Variants in DAB2IP observed in about 807,000 individuals in gnomAD.
The protein encoded by DAB2IP is disabled homolog 2-interacting protein.
DAB2IP carries 28 observed loss-of-function variants against 107.2 expected under a neutral mutation model. The ratio of observed to expected loss-of-function variants is 0.26; its 90% confidence interval spans 0.19 to 0.36. DAB2IP has a LOEUF of 0.36. Among genes scored for constraint, DAB2IP ranks in the 10% least tolerant of loss-of-function variants. DAB2IP has a pLI of 1.00. For missense variants in DAB2IP, 1,400 were observed against 1,644.7 expected (o/e 0.85, Z 2.57); for synonymous variants, 755 against 706.4 (o/e 1.07, Z -1.09).
intron 3 of DAB2IP, chr9:121,752,009 C>T: frequency 1.0e-6 from 1 of 985,472 alleles, no homozygotes; most frequent in Non-Finnish European, 1.2e-6. Context: ...CCCTGGAGCG[C>T]TGTCATGGGG....
At chr9:121,752,603 G>C (rs767321135) in intron 3 of DAB2IP, among the ~76,000 whole-genome samples, 7 of 152,354 alleles carry the variant, frequency 4.6e-5, no homozygotes, top group Admixed American at 3.3e-4. Flanking sequence ...GCATGTGCCT[G>C]GGGCCCTGCC....
intron 6 of DAB2IP, among the ~76,000 whole-genome samples, chr9:121,761,740 G>A (rs765387318): frequency 1.3e-5 from 2 of 152,202 alleles, no homozygotes; most frequent in Non-Finnish European, 2.9e-5. Context: ...TAGGCTGCAC[G>A]TTGGGCCAGC....
Position 121,776,224 on chromosome 9 carries a change from G to C in DAB2IP, c.3147G>C (p.Leu1049=). The change falls in exon 14 of 16, where the codon CTG becomes CTC. Residue 1049 remains leucine, a synonymous_variant. Transcript: ENST00000408936. This position sits in a 1 kb window ranked among gnomAD's most constrained non-coding sequence, Gnocchi z 5.4. The stretch of plus-strand genomic sequence containing the variant: ...ACCTGGCGGTGCTGCAGGACAAGCT[G>C]CGAATCTCCACCAAGAAGCTGGAGG... The C allele has an allele frequency of 6.3e-7, 1 of 1,581,830 alleles. No individual in the cohort carries two copies. The highest frequency in any genetic ancestry group is 8.6e-7 in the Non-Finnish European group (1 of 1,164,352).
chr9:121,591,401 G>A (rs780037164), intron 1 of DAB2IP, among the ~76,000 whole-genome samples: 56 of 152,332 alleles, frequency 3.7e-4, no homozygotes, highest in South Asian at 8.3e-4. Context: ...GCCAGGAGGT[G>A]GAGGTTGCAA....
At chr9:121,640,378 G>C (rs1431012689) in intron 1 of DAB2IP, among the ~76,000 whole-genome samples, 2 of 152,166 alleles carry the variant, frequency 1.3e-5, no homozygotes, top group African/African-American at 4.8e-5. Flanking sequence ...GACAATGAGA[G>C]AGAGAGCACC....
chr9:121,702,790 A>G lies in DAB2IP; in HGVS notation c.362+3332A>G, dbSNP rs144890196. Among the ~76,000 whole-genome samples, 601 of 152,206 alleles carry G rather than the reference A, an allele frequency of 3.9e-3. 5 individuals carry two copies. The highest frequency in any genetic ancestry group is 0.014 in the African/African-American group (563 of 41,538). ...GGAGCTAGGAGGGTCAGTTGGCAAT[A>G]TTATGCTTTCCTCATTCCTTCTCTC... On this transcript the variant is annotated intron_variant, in intron 3 of 15. Coordinates refer to ENST00000408936, the Ensembl canonical transcript of DAB2IP. This position sits in a 1 kb window ranked among gnomAD's most constrained non-coding sequence, Gnocchi z 4.5.
chr9:121,774,163 C>G, intron 12 of DAB2IP, 97 bp from the exon 13 acceptor site: 1 of 1,348,664 alleles, frequency 7.4e-7, no homozygotes, highest in African/African-American at 1.5e-5. Context: ...CACCGTGTCC[C>G]AGAGTTGCTT....
rs139797001 is a variant in DAB2IP at position 121,596,112 on chromosome 9, G to A, written c.40+28884G>A. Among the ~76,000 whole-genome samples, 486 of 152,214 alleles carry A rather than the reference G, an allele frequency of 3.2e-3. 4 individuals carry two copies. Among genetic ancestry groups the A allele is most frequent in the African/African-American group, 0.011 (463 of 41,512 alleles). On this transcript the variant is annotated intron_variant, in intron 1 of 16. Coordinates refer to the DAB2IP transcript ENST00000259371. ...GAGGCAGGTGGATCACCTGAGGCGG[G>A]GAGTTCGAGACCAGTCTGACCAACA...
At position 121,651,730 on chromosome 9, in the gene DAB2IP, C is replaced by G; in HGVS notation, c.-46C>G. 8.2e-7 allele frequency: 1 copy of G among 1,216,028 alleles called. No individual in the cohort carries two copies. Among genetic ancestry groups the G allele is most frequent in the East Asian group, 3.5e-5 (1 of 28,674 alleles). 75.3% of individuals were successfully genotyped at this position (1,216,028 alleles called of 1,614,324 possible). ...GCTGTCCGGAGCGGCCGATGGGGCC[C>G]GTGTGAGCGCGCCCAGGCCCGGCCC... On this transcript the variant is annotated 5_prime_UTR_variant, in exon 1 of 16. Coordinates refer to ENST00000408936, the Ensembl canonical transcript of DAB2IP. This position sits in a 1 kb window ranked among gnomAD's most constrained non-coding sequence, Gnocchi z 5.1.
In DAB2IP at chr9:121,662,759, A is replaced by T. The variant is rs943148428; in HGVS notation, c.124+10860A>T. Among the ~76,000 whole-genome samples, 5 of 152,168 alleles carry T rather than the reference A, an allele frequency of 3.3e-5. No individual in the cohort carries two copies. Among genetic ancestry groups the T allele is most frequent in the African/African-American group, 1.2e-4 (5 of 41,434 alleles). On this transcript the variant is annotated intron_variant, in intron 1 of 15. Coordinates refer to ENST00000408936, the Ensembl canonical transcript of DAB2IP. This position sits in a 1 kb window ranked among gnomAD's most constrained non-coding sequence, Gnocchi z 4.6. ...TATGCTTCCAAGTGTGTCGAATTGC[A>T]TTGTGTGTTTAAAAATGGATATGGT...
At chr9:121,720,364 A>G (rs1375995342) in intron 3 of DAB2IP, among the ~76,000 whole-genome samples, 2 of 152,228 alleles carry the variant, frequency 1.3e-5, no homozygotes, top group African/African-American at 4.8e-5. Flanking sequence ...TGAACGATAC[A>G]TTGAGCACCT....
chr9:121,571,932 T>C (rs1223771325), intron 1 of DAB2IP, among the ~76,000 whole-genome samples: 1 of 152,018 alleles, frequency 6.6e-6, no homozygotes, highest in Non-Finnish European at 1.5e-5. Context: ...CACTAACCCC[T>C]GCAGAGCCCT....
rs148514914 is a variant in DAB2IP, at chr9:121,589,118, C to T, written c.40+21890C>T. 5.9e-4 allele frequency among the ~76,000 whole-genome samples: 90 copies of T among 152,224 alleles called. 1 individual carries two copies. The highest frequency in any genetic ancestry group is 3.4e-3 in the Middle Eastern group (1 of 292). ...TCAAGAGTTGGCTCTGTCCCACCCC[C>T]GGCGTGATATGATCGGATCTGTGCT... is the stretch of plus-strand genomic sequence containing the variant. On this transcript the variant is annotated intron_variant, in intron 1 of 16. Transcript: ENST00000259371.
chr9:121,708,746 C>T (rs1024112593), intron 3 of DAB2IP, among the ~76,000 whole-genome samples: 3 of 152,228 alleles, frequency 2.0e-5, no homozygotes, highest in African/African-American at 7.2e-5. Flanking sequence ...ATTCAAGGTC[C>T]GCCAAGTCAA....
chr9:121,587,361 A>G (rs561870383), intron 1 of DAB2IP, among the ~76,000 whole-genome samples: 83 of 152,224 alleles, frequency 5.5e-4, no homozygotes, highest in African/African-American at 1.9e-3. Flanking sequence ...AAATCCCAGC[A>G]CTCTGGGAGG....
intron 1 of DAB2IP, among the ~76,000 whole-genome samples, chr9:121,571,378 G>T (rs1829937242): frequency 6.6e-6 from 1 of 152,104 alleles, no homozygotes; most frequent in Non-Finnish European, 1.5e-5. Flanking sequence ...AAATGCAGTT[G>T]GTGCAGGCAA....
chr9:121,594,488 C>T (rs938785615), intron 1 of DAB2IP, among the ~76,000 whole-genome samples: 4 of 151,924 alleles, frequency 2.6e-5, no homozygotes, highest in African/African-American at 4.8e-5. Flanking sequence ...CTACCCGCCT[C>T]GGCCTCCCAA....
At chr9:121,639,829 C>T (rs962944228) in intron 1 of DAB2IP, among the ~76,000 whole-genome samples, 2 of 152,124 alleles carry the variant, frequency 1.3e-5, no homozygotes, top group Non-Finnish European at 2.9e-5. Context: ...AGGCTCAGTG[C>T]GGCCCACGGA....
intron 3 of DAB2IP, among the ~76,000 whole-genome samples, chr9:121,734,464 G>A (rs1049319013): frequency 1.3e-5 from 2 of 152,220 alleles, no homozygotes; most frequent in African/African-American, 4.8e-5. Flanking sequence ...TAGGAAGGAG[G>A]GCACAGAGGA....
Sources: allele counts gnomAD v4.1 joint callset (sites outside exome capture counted in the v4.1 genomes callset), GRCh38; gene constraint gnomAD v4.1.1; non-coding constraint Gnocchi (gnomAD v3.1); transcripts MANE v1.5; gene names NCBI Gene and HGNC (gene_info 2026-07-23, HGNC 2026-07-21).